Variants in WDR64 observed in about 807,000 individuals in gnomAD.
WDR64 encodes WD repeat-containing protein 64.
In WDR64, 112 loss-of-function variants were observed where a neutral mutation model predicts 139.3. That is an observed-to-expected ratio of 0.80 (90% confidence interval 0.69 to 0.94). WDR64 has a LOEUF of 0.94. Ranked by LOEUF, WDR64 falls within the 40% of genes least tolerant of loss-of-function variation. The pLI is 0.00. For missense variants in WDR64, 1,206 were observed against 1,293.1 expected (o/e 0.93, Z 1.03); for synonymous variants, 444 against 437.7 (o/e 1.01, Z -0.18).
chr1:241,655,471 A>G (rs1178291210), intron 1 of WDR64, among the ~76,000 whole-genome samples: 6 of 152,152 alleles, frequency 3.9e-5, no homozygotes, highest in Admixed American at 3.9e-4. Flanking sequence ...TTTAAAAATT[A>G]TCAATGTGCC....
chr1:241,736,368 T>C (rs2148232025), intron 10 of WDR64, among the ~76,000 whole-genome samples: 1 of 151,008 alleles, frequency 6.6e-6, no homozygotes, highest in Admixed American at 6.6e-5. Flanking sequence ...CAAAAACTTT[T>C]AGCACTATTC....
intron 25 of WDR64, 127 bp downstream of exon 25, chr1:241,790,823 T>G: frequency 1.3e-6 from 1 of 754,692 alleles, no homozygotes; most frequent in Non-Finnish European, 2.1e-6. Context: ...TACAAATTAC[T>G]ATAAACTTGG....
chr1:241,735,533 CTTTTTTTTT>C (rs58339742), intron 10 of WDR64, among the ~76,000 whole-genome samples: 1 of 103,494 alleles, frequency 9.7e-6, no homozygotes, highest in East Asian at 2.9e-4. Context: ...CTCTCTCTCT[CTTTTTTTTT>C]TTTTTTTTTT....
At chr1:241,768,779 C>A (rs531074008) in intron 16 of WDR64, among the ~76,000 whole-genome samples, 2 of 152,110 alleles carry the variant, frequency 1.3e-5, no homozygotes, top group Non-Finnish European at 2.9e-5. Flanking sequence ...TTCCCCTGTT[C>A]CTAGGATGGT....
At chr1:241,657,286 T>C (rs958597478) in intron 1 of WDR64, among the ~76,000 whole-genome samples, 1 of 152,134 alleles carries the variant, frequency 6.6e-6, no homozygotes, top group Non-Finnish European at 1.5e-5. Context: ...TCCACTAGTT[T>C]TACGTCTTTC....
At chr1:241,730,493 C>A (rs1048487960) in intron 10 of WDR64, among the ~76,000 whole-genome samples, 1 of 152,188 alleles carries the variant, frequency 6.6e-6, no homozygotes, top group Non-Finnish European at 1.5e-5. Context: ...TCTCTAGACA[C>A]CTCTACCAGC....
At chr1:241,685,982 T>C (rs1666989064) in intron 7 of WDR64, among the ~76,000 whole-genome samples, 1 of 152,204 alleles carries the variant, frequency 6.6e-6, no homozygotes, top group South Asian at 2.1e-4. Context: ...TTTCATTAGA[T>C]AGATATGTGA....
intron 7 of WDR64, among the ~76,000 whole-genome samples, chr1:241,684,984 C>G (rs1666951775): frequency 6.6e-6 from 1 of 152,030 alleles, no homozygotes; most frequent in African/African-American, 2.4e-5. Context: ...GTCTCAAACT[C>G]CTGACTTTGT....
At chr1:241,767,038 T>C (rs2148293460) in intron 16 of WDR64, among the ~76,000 whole-genome samples, 1 of 152,292 alleles carries the variant, frequency 6.6e-6, no homozygotes, top group Admixed American at 6.5e-5. Flanking sequence ...ATCTGATTGT[T>C]ACCAAGACCC....
chr1:241,655,726 G>A (rs111422530), intron 1 of WDR64, among the ~76,000 whole-genome samples: 1,931 of 136,372 alleles, frequency 0.014, 44 homozygotes, highest in African/African-American at 0.05. Context: ...TTTGATGCCT[G>A]TAAACTCTTC....
At chr1:241,663,661 G>A (rs1665921790) in intron 2 of WDR64, among the ~76,000 whole-genome samples, 1 of 152,234 alleles carries the variant, frequency 6.6e-6, no homozygotes, top group Admixed American at 6.5e-5. Context: ...TTCCAAAGCT[G>A]TGCTGTCCGA....
rs1481460987 is a variant in WDR64 at position 241,752,093 on chromosome 1, A to G, written c.1770+2371A>G. 2.6e-5 allele frequency among the ~76,000 whole-genome samples: 4 copies of G among 152,166 alleles called. No homozygotes were observed. In the East Asian group the frequency reaches 7.7e-4, roughly 29 times the overall value. Reference sequence around the variant, plus strand: ...TCCTTTTAACCACAGTGCTTTATGAATCTACTCATATAGCTGTATTTCTGT... The same window carrying G: ...TCCTTTTAACCACAGTGCTTTATGAGTCTACTCATATAGCTGTATTTCTGT... On this transcript the variant is annotated intron_variant, in intron 14 of 27. Coordinates refer to ENST00000437684, the MANE Select transcript of WDR64 (RefSeq NM_001367482.1).
rs183159166 is a variant in WDR64, at chr1:241,730,215, A to C, written c.1194+6779A>C. ...TTGCTTTTTCTTTAGTTCATCACCC[A>C]GGACAGCTCCTTGACAACCTTCAAA... is the stretch of plus-strand genomic sequence containing the variant. On this transcript the variant is annotated intron_variant, in intron 10 of 27. Coordinates refer to ENST00000437684, the MANE Select transcript of WDR64 (RefSeq NM_001367482.1). Among the ~76,000 whole-genome samples the C allele has an allele frequency of 1.0e-3, 153 of 152,334 alleles. 2 individuals carry two copies. Among genetic ancestry groups the C allele is most frequent in the African/African-American group, 3.3e-3 (139 of 41,572 alleles).
chr1:241,744,542 G>C (rs563226338), intron 13 of WDR64, 26 bp downstream of exon 13: 3 of 1,611,342 alleles, frequency 1.9e-6, no homozygotes, highest in Non-Finnish European at 2.5e-6. Flanking sequence ...AGAATGTGGC[G>C]TCCCTGCTTT....
rs57383177 is a variant in WDR64 at position 241,771,945 on chromosome 1, CATATATATAT to C, written c.2290+283_2290+292del. ...ATACATACATATACATACATACATA[CATATATATAT>C]ATATATATATATATATATATATATA... is the stretch of plus-strand genomic sequence containing the variant. On this transcript the variant is annotated intron_variant, in intron 19 of 27. Transcript: ENST00000437684. Among the ~76,000 whole-genome samples the C allele has an allele frequency of 3.3e-3, 203 of 62,364 alleles. 2 individuals carry two copies. In the East Asian group the frequency reaches 0.056, roughly 17 times the overall value. The allele number at this position is 62,364 out of a possible 152,430, so 40.9% of individuals were successfully genotyped here.
intron 15 of WDR64, among the ~76,000 whole-genome samples, chr1:241,765,816 G>A (rs923747192): frequency 3.3e-5 from 5 of 152,140 alleles, no homozygotes; most frequent in Non-Finnish European, 7.3e-5. Context: ...AGATCTTAAT[G>A]ATAAATAGCT....
At chr1:241,774,538 C>T (rs1658577271) in intron 20 of WDR64, among the ~76,000 whole-genome samples, 1 of 152,050 alleles carries the variant, frequency 6.6e-6, no homozygotes. Flanking sequence ...AAAGTCTTTC[C>T]CAGTGCTGGC....
chr1:241,747,072 T>C (rs1343965702), intron 13 of WDR64, among the ~76,000 whole-genome samples: 1 of 152,176 alleles, frequency 6.6e-6, no homozygotes, highest in Non-Finnish European at 1.5e-5. Flanking sequence ...ATAACATTCT[T>C]AAAATAACAA....
chr1:241,774,052 T>C (rs1208482471), intron 20 of WDR64, among the ~76,000 whole-genome samples: 2 of 152,204 alleles, frequency 1.3e-5, no homozygotes, highest in East Asian at 3.9e-4. Context: ...TAAAATGATT[T>C]AGGGTGGAAT....
Sources: gnomAD v4.1 joint callset for allele counts (sites outside exome capture counted in the v4.1 genomes callset) on GRCh38, gnomAD v4.1.1 for gene constraint, MANE v1.5 for transcripts, NCBI Gene and HGNC (gene_info 2026-07-23, HGNC 2026-07-21) for gene names.